OPCML: variants seen among roughly 807,000 people sequenced by gnomAD.
OPCML encodes the protein opioid-binding protein/cell adhesion molecule.
In OPCML, 13 loss-of-function variants were observed where a neutral mutation model predicts 37.8. The observed-to-expected ratio is 0.34, with a 90% confidence interval of 0.22 to 0.55. OPCML has a LOEUF of 0.55. OPCML is among the 20% of genes least tolerant of loss of function. The pLI is 0.91. For missense variants in OPCML, 341 were observed against 435.6 expected, an observed-to-expected ratio of 0.78 and a Z score of 1.93; for synonymous variants, 176 against 168.8, an observed-to-expected ratio of 1.04 and a Z score of -0.33.
chr11:133,355,225 G>T (rs928842295), intron 1 of OPCML, among the ~76,000 whole-genome samples: 1 of 152,204 alleles, frequency 6.6e-6, no homozygotes, highest in African/African-American at 2.4e-5. Flanking sequence ...AATAGATTTG[G>T]AAGCCTCAGT....
chr11:132,433,302 TCA>T lies in OPCML; in HGVS notation c.916+2782_916+2783del, dbSNP rs1233397609. 2.6e-5 allele frequency among the ~76,000 whole-genome samples: 4 copies of T among 152,290 alleles called. No individual in the cohort carries two copies. The East Asian group carries it at 7.7e-4, about 29-fold the overall frequency. On this transcript the variant is annotated intron_variant, in intron 7 of 7. Coordinates refer to ENST00000524381, the MANE Select transcript of OPCML (RefSeq NM_001012393.5). ...TGATGAACATTGTCTTATTGACAAT[TCA>T]CAGTGACACTCTCATGTCCACAGGT...
chr11:133,165,366 C>T (rs1950195730), intron 1 of OPCML, among the ~76,000 whole-genome samples: 1 of 152,094 alleles, frequency 6.6e-6, no homozygotes, highest in Non-Finnish European at 1.5e-5. Flanking sequence ...TCCCCTTCAT[C>T]CAGAAAACTC....
rs1368798191 is a variant in OPCML, at chr11:132,541,570, C to G, written c.380-12384G>C. Among the ~76,000 whole-genome samples, 6 of 148,768 alleles carry G rather than the reference C, an allele frequency of 4.0e-5. No homozygotes were observed. The Admixed American group carries it at 4.0e-4, about 10-fold the overall frequency. ...CATTTATTGAGAACTTAATAAGTGT[C>G]AAGTGACACTGTGCAAAGTTTGCCA... On this transcript the variant is annotated intron_variant, in intron 3 of 7. Coordinates refer to ENST00000524381, the MANE Select transcript of OPCML (RefSeq NM_001012393.5).
At chr11:133,141,664 T>A (rs1949825693) in intron 1 of OPCML, among the ~76,000 whole-genome samples, 1 of 152,134 alleles carries the variant, frequency 6.6e-6, no homozygotes, top group Admixed American at 6.6e-5. Context: ...ATCCCTGCTT[T>A]CTCTCCAGGG....
At chr11:132,856,084 A>T (rs188443148) in intron 2 of OPCML, among the ~76,000 whole-genome samples, 8 of 152,366 alleles carry the variant, frequency 5.3e-5, no homozygotes, top group Non-Finnish European at 1.0e-4. Context: ...CCAATACAAT[A>T]GACCTAACAG....
chr11:132,664,078 C>T (rs1007983421), intron 2 of OPCML, among the ~76,000 whole-genome samples: 2 of 152,086 alleles, frequency 1.3e-5, no homozygotes, highest in African/African-American at 2.4e-5. Flanking sequence ...ATGATCCGCC[C>T]GCCTCGGCCT....
rs141034403 is a variant in OPCML, at chr11:133,526,065, C to T, written c.61+6199G>A. On this transcript the variant is annotated intron_variant, in intron 1 of 7. Transcript: ENST00000524381. ...ACTGCAGGATGGTCCCCAGCCTCTC[C>T]GAACCAAGAGGTCTGGGGTGGGGGT... Among the ~76,000 whole-genome samples, 1,029 of 152,306 alleles carry T rather than the reference C, an allele frequency of 6.8e-3. 11 individuals are homozygous for T. The highest frequency in any genetic ancestry group is 0.01 in the Middle Eastern group (3 of 294).
chr11:132,952,089 G>A (rs1945872634), intron 1 of OPCML, among the ~76,000 whole-genome samples: 1 of 152,176 alleles, frequency 6.6e-6, no homozygotes, highest in East Asian at 1.9e-4. Flanking sequence ...TGTATATTAG[G>A]GAGAAATATA....
chr11:132,779,687 C>T (rs1052593286), intron 2 of OPCML, among the ~76,000 whole-genome samples: 2 of 151,980 alleles, frequency 1.3e-5, no homozygotes, highest in African/African-American at 2.4e-5. Context: ...AATGTGTGGC[C>T]CTCCCCTGCA....
chr11:133,049,213 G>A (rs1406440636), intron 1 of OPCML, among the ~76,000 whole-genome samples: 1 of 152,134 alleles, frequency 6.6e-6, no homozygotes, highest in African/African-American at 2.4e-5. Context: ...ACATAAAAAG[G>A]AACTTACGCA....
chr11:133,082,114 TC>T (rs1948730205), intron 1 of OPCML, among the ~76,000 whole-genome samples: 1 of 151,648 alleles, frequency 6.6e-6, no homozygotes, highest in Non-Finnish European at 1.5e-5. Flanking sequence ...CCAGAGCAGC[TC>T]CCGGCTCAGG....
At chr11:132,842,589 A>C (rs1941343231) in intron 2 of OPCML, among the ~76,000 whole-genome samples, 1 of 152,194 alleles carries the variant, frequency 6.6e-6, no homozygotes, top group Non-Finnish European at 1.5e-5. Flanking sequence ...TGAGTGTTGG[A>C]TAGTTCAGCA....
At chr11:132,651,806 C>T (rs1297315528) in intron 3 of OPCML, among the ~76,000 whole-genome samples, 3 of 152,190 alleles carry the variant, frequency 2.0e-5, no homozygotes, top group African/African-American at 7.2e-5. Context: ...CATAAGCTTG[C>T]TGTGGAGCCT....
chr11:133,189,907 G>C (rs1478898378), intron 1 of OPCML, among the ~76,000 whole-genome samples: 1 of 152,224 alleles, frequency 6.6e-6, no homozygotes, highest in African/African-American at 2.4e-5. Context: ...TAATTGAACA[G>C]GGAAAATAAG....
intron 3 of OPCML, among the ~76,000 whole-genome samples, chr11:132,590,931 G>A (rs1326548924): frequency 1.3e-5 from 2 of 152,150 alleles, no homozygotes; most frequent in African/African-American, 4.8e-5. Flanking sequence ...ATAAGGCTAA[G>A]GTAATTATCT....
chr11:132,978,044 A>C (rs1946502192), intron 1 of OPCML, among the ~76,000 whole-genome samples: 1 of 152,198 alleles, frequency 6.6e-6, no homozygotes, highest in Non-Finnish European at 1.5e-5. Flanking sequence ...CAAAACAAAA[A>C]GAATGGAGGA....
intron 1 of OPCML, among the ~76,000 whole-genome samples, chr11:133,496,758 G>A (rs1204328384): frequency 1.3e-5 from 2 of 152,198 alleles, no homozygotes; most frequent in African/African-American, 4.8e-5. Flanking sequence ...CTTGTATCCA[G>A]AAACTTTGCT....
intron 1 of OPCML, among the ~76,000 whole-genome samples, chr11:133,220,882 C>T (rs1203560124): frequency 1.3e-5 from 2 of 152,158 alleles, no homozygotes; most frequent in Non-Finnish European, 2.9e-5. Context: ...CTTCAGGTTT[C>T]TCTGCTTAGC....
At chr11:133,263,101 C>T (rs1362262759) in intron 1 of OPCML, among the ~76,000 whole-genome samples, 1 of 151,940 alleles carries the variant, frequency 6.6e-6, no homozygotes, top group Non-Finnish European at 1.5e-5. Flanking sequence ...GTGGCTCGGA[C>T]ATTTACCACT....
Sources: allele counts gnomAD v4.1 joint callset (sites outside exome capture counted in the v4.1 genomes callset), GRCh38; gene constraint gnomAD v4.1.1; transcripts MANE v1.5; gene names NCBI Gene and HGNC (gene_info 2026-07-23, HGNC 2026-07-21).